The following ATP8A1 variants were observed in gnomAD, a reference collection of about 807,000 sequenced individuals.
ATP8A1 encodes phospholipid-transporting ATPase IA.
In ATP8A1, 90 loss-of-function variants were observed where a neutral mutation model predicts 177.7. That is an observed-to-expected ratio of 0.51 (90% CI 0.43 to 0.60). The LOEUF is 0.60. Ranked by LOEUF, ATP8A1 falls within the 20% of genes least tolerant of loss-of-function variation. The probability of loss-of-function intolerance (pLI) is 0.00; values close to 1 mark genes in which losing one functional copy is unlikely to be tolerated. For missense variants in ATP8A1, 1,072 were observed against 1,392.8 expected, an observed-to-expected ratio of 0.77 and a Z score of 3.67; for synonymous variants, 493 against 485.9, an observed-to-expected ratio of 1.01 and a Z score of -0.19.
intron 5 of ATP8A1, 29 bp downstream of exon 5, chr4:42,616,004 T>TA (rs113477520): frequency 0.27 from 430,571 of 1,594,030 alleles, 62,028 homozygotes; most frequent in Non-Finnish European, 0.29. Flanking sequence ...GTTTGACAAA[T>TA]ATGAGAAAAA....
chr4:42,433,454 T>C (rs1030564634), intron 33 of ATP8A1, among the ~76,000 whole-genome samples: 1 of 152,222 alleles, frequency 6.6e-6, no homozygotes, highest in Non-Finnish European at 1.5e-5. Flanking sequence ...TAAATCTCAG[T>C]TTAATTGAAC....
intron 27 of ATP8A1, among the ~76,000 whole-genome samples, chr4:42,463,505 T>C (rs1256980870): frequency 6.6e-6 from 1 of 152,190 alleles, no homozygotes; most frequent in Non-Finnish European, 1.5e-5. Flanking sequence ...CTTTTGTAAA[T>C]TGCCCAGCCT....
intron 20 of ATP8A1, among the ~76,000 whole-genome samples, chr4:42,529,742 G>C (rs1578113160): frequency 6.6e-6 from 1 of 152,172 alleles, no homozygotes; most frequent in Non-Finnish European, 1.5e-5. Flanking sequence ...GCTGAAGCAC[G>C]ACAGCCCCTT....
At position 42,551,372 on chromosome 4, in the gene ATP8A1, G is replaced by C. The variant is rs912210215; in HGVS notation, c.1520-92C>G. Reference sequence around the variant, plus strand: ...GTACATTAAGGTAATATAATTTTCTGTTTAATTAAAGTTCTTTTTATTCTG... The same window carrying C: ...GTACATTAAGGTAATATAATTTTCTCTTTAATTAAAGTTCTTTTTATTCTG... On this transcript the variant is annotated intron_variant, in intron 17 of 36. Transcript: ENST00000381668. The C allele has an allele frequency of 5.7e-6, 5 of 874,896 alleles. No homozygotes were observed. The South Asian group carries it at 8.0e-5, about 14-fold the overall frequency. 54.2% of individuals were successfully genotyped at this position (874,896 alleles called of 1,614,324 possible).
chr4:42,550,454 A>G (rs1311085683), intron 18 of ATP8A1, among the ~76,000 whole-genome samples: 1 of 152,228 alleles, frequency 6.6e-6, no homozygotes, highest in Non-Finnish European at 1.5e-5. Flanking sequence ...CATTTCTGCT[A>G]TATAACTATG....
At chr4:42,429,534 C>T (rs1560314141) in intron 33 of ATP8A1, among the ~76,000 whole-genome samples, 1 of 152,146 alleles carries the variant, frequency 6.6e-6, no homozygotes, top group Non-Finnish European at 1.5e-5. Context: ...ATATAAAATT[C>T]CAGTCTTCCT....
intron 5 of ATP8A1, among the ~76,000 whole-genome samples, chr4:42,609,568 T>C (rs543802706): frequency 6.6e-6 from 1 of 152,272 alleles, no homozygotes; most frequent in African/African-American, 2.4e-5. Context: ...GACTACTCTC[T>C]AGTTAAGAAA....
chr4:42,634,065 C>T lies in ATP8A1; in HGVS notation c.50-6956G>A, dbSNP rs1428776274. Among the ~76,000 whole-genome samples, 11 of 152,290 alleles carry T rather than the reference C, an allele frequency of 7.2e-5. No homozygotes were observed. In the East Asian group the frequency reaches 2.1e-3, roughly 29 times the overall value. On this transcript the variant is annotated intron_variant, in intron 1 of 36. Coordinates refer to ENST00000381668, the MANE Select transcript of ATP8A1 (RefSeq NM_006095.2). ...TTATATTCTTTATGCAGTAGGAATT[C>T]ACTGACAGGTTTAAGTAGAAAGACC...
At chr4:42,567,701 C>T (rs746374597) in intron 15 of ATP8A1, among the ~76,000 whole-genome samples, 1 of 152,140 alleles carries the variant, frequency 6.6e-6, no homozygotes, top group Non-Finnish European at 1.5e-5. Context: ...TTTAGAATAT[C>T]AAGTTTTCCA....
chr4:42,549,559 T>C (rs1729282314), intron 18 of ATP8A1, among the ~76,000 whole-genome samples: 1 of 151,848 alleles, frequency 6.6e-6, no homozygotes, highest in Non-Finnish European at 1.5e-5. Flanking sequence ...GAGGCTGAGG[T>C]GGGAGAATCA....
intron 5 of ATP8A1, among the ~76,000 whole-genome samples, chr4:42,607,541 T>A (rs1735916676): frequency 6.6e-6 from 1 of 152,052 alleles, no homozygotes; most frequent in Non-Finnish European, 1.5e-5. Flanking sequence ...CAAACCTAAG[T>A]TTAGAGAAAG....
chr4:42,553,498 G>A (rs1399591465), intron 16 of ATP8A1, among the ~76,000 whole-genome samples: 1 of 152,076 alleles, frequency 6.6e-6, no homozygotes, highest in Non-Finnish European at 1.5e-5. Flanking sequence ...CTTTCTGCAC[G>A]GAGCTTAGGG....
chr4:42,445,274 C>T (rs1717085013), intron 31 of ATP8A1, among the ~76,000 whole-genome samples: 1 of 152,174 alleles, frequency 6.6e-6, no homozygotes, highest in Non-Finnish European at 1.5e-5. Flanking sequence ...TGGAGTCAGA[C>T]TACCTGTGCC....
chr4:42,551,195 T>G lies in ATP8A1; in HGVS notation c.1602+3A>C. 6.2e-7 allele frequency: 1 copy of G among 1,611,086 alleles called. No individual in the cohort carries two copies. On this transcript the variant is annotated splice_donor_region_variant and intron_variant, in intron 18 of 36. Transcript: ENST00000381668. ...AAAAGAACCTTAAAAACAACTAACT[T>G]ACTGAATCTATAATCACCGAGTCGG...
intron 19 of ATP8A1, among the ~76,000 whole-genome samples, chr4:42,546,023 A>G (rs1030661135): frequency 3.3e-5 from 5 of 152,144 alleles, no homozygotes; most frequent in African/African-American, 4.8e-5. Context: ...TAAAACCTGC[A>G]TATCTATGTG....
chr4:42,537,868 T>A (rs1728004088), intron 20 of ATP8A1, among the ~76,000 whole-genome samples: 1 of 152,112 alleles, frequency 6.6e-6, no homozygotes, highest in Admixed American at 6.5e-5. Context: ...GCAATTTCCA[T>A]CAAAATACCA....
intron 19 of ATP8A1, among the ~76,000 whole-genome samples, chr4:42,546,775 C>T (rs1422524918): frequency 6.6e-6 from 1 of 152,124 alleles, no homozygotes; most frequent in Non-Finnish European, 1.5e-5. Flanking sequence ...TCTCAAACTT[C>T]TTACCTAACC....
At chr4:42,501,693 T>A (rs907976788) in intron 24 of ATP8A1, among the ~76,000 whole-genome samples, 69 of 152,222 alleles carry the variant, frequency 4.5e-4, no homozygotes, top group Non-Finnish European at 8.8e-5. Flanking sequence ...GCACATCTAA[T>A]GATTTGCCTG....
At chr4:42,636,156 A>ACGCGTGCGCGCGCG (rs1553920759) in intron 1 of ATP8A1, among the ~76,000 whole-genome samples, 1 of 90,898 alleles carries the variant, frequency 1.1e-5, no homozygotes, top group Non-Finnish European at 2.6e-5. Flanking sequence ...ACACACACAC[A>ACGCGTGCGCGCGCG]CGCACACACA....
Sources: gnomAD v4.1 joint callset for allele counts (sites outside exome capture counted in the v4.1 genomes callset) on GRCh38, gnomAD v4.1.1 for gene constraint, MANE v1.5 for transcripts, NCBI Gene and HGNC (gene_info 2026-07-23, HGNC 2026-07-21) for gene names.